Variants in LNX1 observed in about 807,000 individuals in gnomAD.
The protein encoded by LNX1 is ligand of numb-protein X 1.
A neutral mutation model predicts 68.4 loss-of-function variants in LNX1; 54 were observed. The ratio of observed to expected loss-of-function variants is 0.79; its 90% CI spans 0.63 to 0.99. The LOEUF (loss-of-function observed/expected upper bound fraction) is 0.99. Ranked by LOEUF, LNX1 falls within the 50% of genes least tolerant of loss-of-function variation. LNX1 has a pLI of 0.00. For missense variants in LNX1, 906 were observed against 926.4 expected, an observed-to-expected ratio of 0.98 and a Z score of 0.29; for synonymous variants, 336 against 350.0, an observed-to-expected ratio of 0.96 and a Z score of 0.45.
intron 1 of LNX1, among the ~76,000 whole-genome samples, chr4:53,645,362 T>C (rs1488688323): frequency 6.6e-6 from 1 of 152,098 alleles, no homozygotes; most frequent in Non-Finnish European, 1.5e-5. Flanking sequence ...ATGAAGATAT[T>C]TGGTCATTGC....
In LNX1 at chr4:53,590,223, G is replaced by A. The variant is rs141724892; in HGVS notation, c.-87+1165C>T. ...GGTGAGGAACGACTGTCTGTCTAAG[G>A]CAAAAATGATCTCAGCTTGTTTCAA... On this transcript the variant is annotated intron_variant, in intron 1 of 10. Coordinates refer to ENST00000263925, the MANE Select transcript of LNX1 (RefSeq NM_001126328.3). Among the ~76,000 whole-genome samples, 29 of 152,234 alleles carry A rather than the reference G, an allele frequency of 1.9e-4. No individual in the cohort carries two copies. In the East Asian group the frequency reaches 2.9e-3, roughly 15 times the overall value.
Position 53,498,751 on chromosome 4 carries a change from G to A in LNX1, c.868C>T (p.Leu290=). Residue 290 remains leucine (L), a synonymous_variant, in exon 5 of 11, where the codon CTG becomes TTG. Coordinates refer to ENST00000263925, the MANE Select transcript of LNX1 (RefSeq NM_001126328.3). ...VDPSESLSIR[L]VGGSETPLVH... ...AGTGGGGTTTCGCTACCTCCCACCAGCCTAATAGAGAGGCTTTCACTGGGA... is the reference window on the plus strand; with the variant it reads ...AGTGGGGTTTCGCTACCTCCCACCAACCTAATAGAGAGGCTTTCACTGGGA... 1 of 1,613,884 alleles carries A rather than the reference G, an allele frequency of 6.2e-7. No homozygotes were observed. Among genetic ancestry groups the A allele is most frequent in the Non-Finnish European group, 8.5e-7 (1 of 1,179,766 alleles).
At chr4:53,548,420 T>G (rs1001099919) in intron 2 of LNX1, among the ~76,000 whole-genome samples, 13 of 152,250 alleles carry the variant, frequency 8.5e-5, no homozygotes. Flanking sequence ...TATATGTATA[T>G]AATTTTATAT....
chr4:53,484,904 C>T (rs1438878735), intron 6 of LNX1, among the ~76,000 whole-genome samples: 1 of 152,162 alleles, frequency 6.6e-6, no homozygotes, highest in Admixed American at 6.5e-5. Flanking sequence ...CAAAGTCTGG[C>T]CATCACTTCT....
chr4:53,596,179 A>G (rs551281308), upstream of LNX1, among the ~76,000 whole-genome samples: 1 of 152,210 alleles, frequency 6.6e-6, no homozygotes, highest in African/African-American at 2.4e-5. Context: ...AATCACAAAC[A>G]TCAGCTGATG....
Position 53,460,696 on chromosome 4 carries a change from A to C in LNX1, c.*211T>G. The C allele has an allele frequency of 2.0e-6, 1 of 504,382 alleles. No individual in the cohort carries two copies. The highest frequency in any genetic ancestry group is 2.8e-5 in the South Asian group (1 of 35,638). 31.2% of individuals were successfully genotyped at this position (504,382 alleles called of 1,614,324 possible). ...AAACAATGTTGTAGAGTAATGAGAA[A>C]TCCTCCACACTGAAAAAAAACTAGT... On this transcript the variant is annotated 3_prime_UTR_variant, in exon 11 of 11. Transcript: ENST00000263925.
intron 2 of LNX1, among the ~76,000 whole-genome samples, chr4:53,571,675 C>CT (rs1453401443): frequency 4.6e-5 from 7 of 151,800 alleles, no homozygotes. Flanking sequence ...TTGTTTTTTT[C>CT]TTTTTTTGAG....
intron 6 of LNX1, among the ~76,000 whole-genome samples, chr4:53,488,012 G>A (rs1345622026): frequency 6.6e-6 from 1 of 152,178 alleles, no homozygotes; most frequent in East Asian, 1.9e-4. Flanking sequence ...TGCTCACAAA[G>A]CCCTGGGAAA....
Position 53,573,876 on chromosome 4 carries a change from T to A in LNX1, c.127A>T (p.Ile43Phe), listed in dbSNP as rs763352478. ...GGGTCCAGCAAAGCCTGCAGGCAGATGTGGCAGATGAGGTCATCATCCACT... is the reference window on the plus strand; with the variant it reads ...GGGTCCAGCAAAGCCTGCAGGCAGAAGTGGCAGATGAGGTCATCATCCACT... The part of the protein sequence containing the change: ...EEVDDDLICH[I>F]CLQALLDPLD... The change falls in exon 2 of 11, where the codon ATC (isoleucine) becomes TTC (phenylalanine). Residue 43 changes from isoleucine to phenylalanine, a missense_variant. Physicochemically the swap from Ile to Phe is conservative, Grantham distance 21 (BLOSUM62 0). Coordinates refer to ENST00000263925, the MANE Select transcript of LNX1 (RefSeq NM_001126328.3). 1.2e-6 allele frequency: 2 copies of A among 1,613,764 alleles called. No individual in the cohort carries two copies. Among genetic ancestry groups the A allele is most frequent in the Non-Finnish European group, 1.7e-6 (2 of 1,179,864 alleles).
intron 2 of LNX1, among the ~76,000 whole-genome samples, chr4:53,563,162 T>C (rs7662597): frequency 0.18 from 27,124 of 152,000 alleles, 3,473 homozygotes; most frequent in African/African-American, 0.36. Context: ...GCTGAGATCG[T>C]GCCAGCCTGG....
chr4:53,487,807 T>C (rs1411282879), intron 6 of LNX1, among the ~76,000 whole-genome samples: 1 of 152,258 alleles, frequency 6.6e-6, no homozygotes, highest in Admixed American at 6.5e-5. Context: ...ATTTTAATAA[T>C]CACTTCTTTA....
rs758160484 is a variant in LNX1, at chr4:53,573,987, ACT to A, written c.14_15del (p.Glu5ValfsTer6). On this transcript the variant is annotated frameshift_variant, in exon 2 of 11. Coordinates refer to ENST00000263925, the MANE Select transcript of LNX1 (RefSeq NM_001126328.3). LOFTEE classifies it high-confidence loss of function. MNQP[E>X]SANDPEPLCA... Reference sequence around the variant, plus strand: ...CACAGGGGTTCAGGATCGTTGGCAGACTCTGGCTGGTTCATGATGGATTGGAG... The same window carrying A: ...CACAGGGGTTCAGGATCGTTGGCAGACTGGCTGGTTCATGATGGATTGGAG... The A allele has an allele frequency of 3.1e-6, 5 of 1,611,784 alleles. No individual in the cohort carries two copies. The highest frequency in any genetic ancestry group is 2.2e-5 in the East Asian group (1 of 44,844).
chr4:53,469,271 A>G (rs1411855131), intron 9 of LNX1, among the ~76,000 whole-genome samples: 5 of 152,222 alleles, frequency 3.3e-5, no homozygotes, highest in Non-Finnish European at 7.3e-5. Context: ...AGGCAGAAAT[A>G]AAGATGTTCT....
chr4:53,494,762 T>A (rs2109463617), intron 6 of LNX1, among the ~76,000 whole-genome samples: 1 of 152,306 alleles, frequency 6.6e-6, no homozygotes, highest in Non-Finnish European at 1.5e-5. Flanking sequence ...AGATATTTGC[T>A]GGATGAAGTG....
intron 1 of LNX1, chr4:53,652,020 T>TGTGTGAGAGA (rs1299346353): frequency 6.5e-5 from 7 of 106,922 alleles, no homozygotes; most frequent in South Asian, 3.5e-4. Context: ...TGTGTGTGTG[T>TGTGTGAGAGA]GAGAGAGAGA....
At chr4:53,611,982 G>A (rs1447517749) in intron 2 of LNX1, among the ~76,000 whole-genome samples, 2 of 152,236 alleles carry the variant, frequency 1.3e-5, no homozygotes, top group African/African-American at 4.8e-5. Context: ...TCTATATAGT[G>A]TGAACACTAG....
At chr4:53,579,461 C>G (rs1731696923) in intron 1 of LNX1, among the ~76,000 whole-genome samples, 2 of 152,120 alleles carry the variant, frequency 1.3e-5, no homozygotes, top group African/African-American at 4.8e-5. Flanking sequence ...CTAATCCCTG[C>G]TTCCTTTCCT....
chr4:53,586,917 T>C (rs11731437), intron 1 of LNX1, among the ~76,000 whole-genome samples: 29,529 of 152,200 alleles, frequency 0.19, 3,157 homozygotes, highest in Non-Finnish European at 0.23. Flanking sequence ...AAAATAATCC[T>C]ATGAGATCAT....
At chr4:53,612,286 T>C (rs1322875312) in intron 2 of LNX1, among the ~76,000 whole-genome samples, 1 of 152,168 alleles carries the variant, frequency 6.6e-6, no homozygotes. Context: ...TTAGGTAGAA[T>C]GGAAATACCT....
Sources: gnomAD v4.1 joint callset for allele counts (sites outside exome capture counted in the v4.1 genomes callset) on GRCh38, gnomAD v4.1.1 for gene constraint, MANE v1.5 for transcripts, NCBI Gene and HGNC (gene_info 2026-07-23, HGNC 2026-07-21) for gene names.